Variants in TRHR observed in about 807,000 individuals in gnomAD.
TRHR encodes the protein thyrotropin-releasing hormone receptor.
In TRHR, 14 loss-of-function variants were observed where a neutral mutation model predicts 28.0. That is an observed-to-expected ratio of 0.50 (90% CI 0.33 to 0.78). The LOEUF (loss-of-function observed/expected upper bound fraction) is 0.78, where lower values mean the gene tolerates loss of function less well. Among genes scored for constraint, TRHR ranks in the 30% least tolerant of loss-of-function variants. The probability of loss-of-function intolerance (pLI) is 0.02; values close to 1 mark genes in which losing one functional copy is unlikely to be tolerated. For synonymous variants in TRHR, 176 were observed against 171.9 expected, an observed-to-expected ratio of 1.02 and a Z score of -0.18; for missense variants, 438 against 469.5, an observed-to-expected ratio of 0.93 and a Z score of 0.62.
intron 2 of TRHR, among the ~76,000 whole-genome samples, chr8:109,095,054 G>A (rs779134613): frequency 4.0e-5 from 6 of 151,638 alleles, no homozygotes; most frequent in Non-Finnish European, 8.8e-5. Flanking sequence ...TAATGCTCGA[G>A]CTGGGTCAGT....
intron 2 of TRHR, among the ~76,000 whole-genome samples, chr8:109,118,649 T>C (rs1811955079): frequency 6.6e-6 from 1 of 151,846 alleles, no homozygotes; most frequent in Non-Finnish European, 1.5e-5. Context: ...CAAGTGTCTC[T>C]CTAAAGGCCC....
At position 109,115,547 on chromosome 8, in the gene TRHR, T is replaced by G. The variant is rs542598217; in HGVS notation, c.790-3501T>G. Among the ~76,000 whole-genome samples the G allele has an allele frequency of 2.0e-5, 3 of 152,296 alleles. No homozygotes were observed. In the East Asian group the frequency reaches 5.8e-4, roughly 29 times the overall value. On this transcript the variant is annotated intron_variant, in intron 2 of 2. Transcript: ENST00000518632. ...TCACATCCCTTGTAAGTTGGATTCCTAGGTATTTTATTCTCTTTGAAGAAA... is the reference window on the plus strand; with the variant it reads ...TCACATCCCTTGTAAGTTGGATTCCGAGGTATTTTATTCTCTTTGAAGAAA...
At chr8:109,118,944 C>T (rs1395007680) in intron 2 of TRHR, 104 bp from the exon 3 acceptor site, 11 of 1,439,252 alleles carry the variant, frequency 7.6e-6, no homozygotes, top group Non-Finnish European at 1.1e-5. Flanking sequence ...AACTCCTTGT[C>T]TCAGACTACA....
At chr8:109,109,589 GT>G (rs1408746732) in intron 2 of TRHR, among the ~76,000 whole-genome samples, 2 of 152,036 alleles carry the variant, frequency 1.3e-5, no homozygotes, top group African/African-American at 4.8e-5. Context: ...TTTTCATCTA[GT>G]TTTTTCCATT....
chr8:109,106,542 A>T (rs1434559070), intron 2 of TRHR, among the ~76,000 whole-genome samples: 1 of 152,040 alleles, frequency 6.6e-6, no homozygotes, highest in Non-Finnish European at 1.5e-5. Flanking sequence ...CCCCGAAAAA[A>T]TTTTCTTCAC....
rs1812002524 is a variant in TRHR at position 109,121,165 on chromosome 8, A to G, written c.*1710A>G. 6.6e-6 allele frequency among the ~76,000 whole-genome samples: 1 copy of G among 151,462 alleles called. No individual in the cohort carries two copies. Among genetic ancestry groups the G allele is most frequent in the African/African-American group, 2.4e-5 (1 of 41,292 alleles). ...CTATAACAGTAAATGAATGCAAGCA[A>G]ATATTTGCAGGAAATACCCTAAAAC... On this transcript the variant is annotated 3_prime_UTR_variant, in exon 3 of 3. Coordinates refer to ENST00000518632, the MANE Select transcript of TRHR (RefSeq NM_003301.7).
intron 2 of TRHR, among the ~76,000 whole-genome samples, chr8:109,096,576 C>T (rs545517108): frequency 3.9e-5 from 6 of 152,262 alleles, no homozygotes; most frequent in East Asian, 3.9e-4. Flanking sequence ...GGAGTACAGG[C>T]TTTGCAAGAG....
At chr8:109,096,965 T>G (rs1811603822) in intron 2 of TRHR, among the ~76,000 whole-genome samples, 1 of 152,188 alleles carries the variant, frequency 6.6e-6, no homozygotes, top group Admixed American at 6.6e-5. Flanking sequence ...TCCTTGTCTT[T>G]TATTAAATCT....
intron 2 of TRHR, among the ~76,000 whole-genome samples, chr8:109,102,960 C>T (rs1023167119): frequency 6.6e-6 from 1 of 152,092 alleles, no homozygotes; most frequent in African/African-American, 2.4e-5. Context: ...CAGGGACACA[C>T]CCAAAACAGG....
intron 2 of TRHR, among the ~76,000 whole-genome samples, chr8:109,094,696 T>G (rs1811563520): frequency 6.6e-6 from 1 of 151,774 alleles, no homozygotes; most frequent in African/African-American, 2.4e-5. Flanking sequence ...TATTCCTAAT[T>G]TTATATTTGC....
At position 109,087,922 on chromosome 8, in the gene TRHR, G is replaced by A. The variant is rs1252231752; in HGVS notation, c.410G>A (p.Cys137Tyr). The change falls in exon 2 of 3, where the codon TGC (cysteine) becomes TAC (tyrosine). Residue 137 changes from cysteine to tyrosine, a missense_variant. Transcript: ENST00000518632. Reference protein sequence around the residue: ...ICHPIKAQFLCTFSRAKKIII... With the variant: ...ICHPIKAQFLYTFSRAKKIII... ...CACCCCATCAAAGCCCAGTTTCTCT[G>A]CACATTTTCCAGAGCCAAAAAGATT... The A allele has an allele frequency of 3.7e-6, 6 of 1,613,986 alleles. No homozygotes were observed. In the African/African-American group the frequency reaches 6.7e-5, roughly 18 times the overall value.
chr8:109,106,019 CA>C (rs1241846494), intron 2 of TRHR, among the ~76,000 whole-genome samples: 1 of 152,052 alleles, frequency 6.6e-6, no homozygotes, highest in Non-Finnish European at 1.5e-5. Flanking sequence ...ATTATAAATA[CA>C]CATTAAATAA....
chr8:109,094,121 C>A (rs1811553703), intron 2 of TRHR, among the ~76,000 whole-genome samples: 1 of 152,170 alleles, frequency 6.6e-6, no homozygotes, highest in Non-Finnish European at 1.5e-5. Context: ...TTCTTCTCCC[C>A]AGGTAGCTTA....
At chr8:109,107,429 A>G (rs1185498683) in intron 2 of TRHR, among the ~76,000 whole-genome samples, 4 of 152,180 alleles carry the variant, frequency 2.6e-5, no homozygotes, top group African/African-American at 9.7e-5. Context: ...AATGCCATAC[A>G]GATAGTAAGT....
chr8:109,116,418 A>C lies in TRHR; in HGVS notation c.790-2630A>C, dbSNP rs966791663. Reference sequence around the variant, plus strand: ...GTACCTTTGGTAGAGTTCGGCTGTGAATCCTTCTGCTCCTGGACTTTTTTT... The same window carrying C: ...GTACCTTTGGTAGAGTTCGGCTGTGCATCCTTCTGCTCCTGGACTTTTTTT... On this transcript the variant is annotated intron_variant, in intron 2 of 2. Coordinates refer to ENST00000518632, the MANE Select transcript of TRHR (RefSeq NM_003301.7). Among the ~76,000 whole-genome samples the C allele has an allele frequency of 1.2e-4, 19 of 152,200 alleles. No homozygotes were observed. In the Middle Eastern group the frequency reaches 0.01, roughly 82 times the overall value.
rs756334308 is a variant in TRHR at position 109,119,124 on chromosome 8, A to G, written c.866A>G (p.Asn289Ser). The G allele has an allele frequency of 6.2e-7, 1 of 1,612,528 alleles. No homozygotes were observed. The highest frequency in any genetic ancestry group is 8.5e-7 in the Non-Finnish European group (1 of 1,179,180). ...CCCTACAGGACTCTAGTGGTTGTCA[A>G]CTCATTTCTCTCCAGTCCTTTCCAA... is the stretch of plus-strand genomic sequence containing the variant. ...WMPYRTLVVVNSFLSSPFQEN... is the reference protein window; with the variant it reads ...WMPYRTLVVVSSFLSSPFQEN... The change falls in exon 3 of 3, where the codon AAC becomes AGC. Residue 289 changes from asparagine (N) to serine (S), a missense_variant. Coordinates refer to ENST00000518632, the MANE Select transcript of TRHR (RefSeq NM_003301.7).
rs397691686 is a variant in TRHR at position 109,121,082 on chromosome 8, C to CTTT, written c.*1637_*1639dup. Among the ~76,000 whole-genome samples, 837 of 144,330 alleles carry CTTT rather than the reference C, an allele frequency of 5.8e-3. 12 individuals are homozygous for CTTT. The highest frequency in any genetic ancestry group is 0.019 in the African/African-American group (764 of 39,602). 94.7% of individuals were successfully genotyped at this position (144,330 alleles called of 152,430 possible). On this transcript the variant is annotated 3_prime_UTR_variant, in exon 3 of 3. Coordinates refer to ENST00000518632, the MANE Select transcript of TRHR (RefSeq NM_003301.7). ...ATCCAGAACCTCATTCTAGAGTGCGCTTTTTTTTTTTTGAAAATTGGCCTT... is the reference window on the plus strand; with the variant it reads ...ATCCAGAACCTCATTCTAGAGTGCGCTTTTTTTTTTTTTTTGAAAATTGGCCTT...
intron 2 of TRHR, among the ~76,000 whole-genome samples, chr8:109,112,310 A>C (rs985618364): frequency 2.6e-5 from 4 of 152,130 alleles, no homozygotes; most frequent in Non-Finnish European, 5.9e-5. Context: ...AATTTCGACT[A>C]AAACTTCTAG....
chr8:109,118,843 C>T (rs1811958511), intron 2 of TRHR, among the ~76,000 whole-genome samples: 1 of 151,790 alleles, frequency 6.6e-6, no homozygotes, highest in African/African-American at 2.4e-5. Flanking sequence ...TTGGCTTTTC[C>T]TACTTTGGCT....
Sources: allele counts gnomAD v4.1 joint callset (sites outside exome capture counted in the v4.1 genomes callset), GRCh38; gene constraint gnomAD v4.1.1; transcripts MANE v1.5; gene names NCBI Gene and HGNC (gene_info 2026-07-23, HGNC 2026-07-21).